NEURL3: variants seen among roughly 807,000 people sequenced by gnomAD.
NEURL3 encodes E3 ubiquitin-protein ligase NEURL3.
In NEURL3, 19 loss-of-function variants were observed where a neutral mutation model predicts 17.6. The ratio of observed to expected loss-of-function variants is 1.08; its 90% CI spans 0.75 to 1.58. The LOEUF is 1.58. Ranked by LOEUF, NEURL3 falls within the 40% of genes most tolerant of loss-of-function variation. The pLI, the probability that NEURL3 is intolerant of heterozygous loss-of-function variation, is 0.00. For synonymous variants in NEURL3, 180 were observed against 161.4 expected, an observed-to-expected ratio of 1.11 and a Z score of -0.87; for missense variants, 342 against 379.6, an observed-to-expected ratio of 0.90 and a Z score of 0.82.
At chr2:96,506,254 A>T (rs1248701565), upstream of NEURL3, among the ~76,000 whole-genome samples, 2 of 152,094 alleles carry the variant, frequency 1.3e-5, no homozygotes, top group African/African-American at 4.8e-5. Flanking sequence ...CATTCAGGCT[A>T]GAGTGCAGTG....
chr2:96,498,021 T>C lies in NEURL3; in HGVS notation c.*223A>G, dbSNP rs1444957917. On this transcript the variant is annotated 3_prime_UTR_variant, in exon 4 of 4. Transcript: ENST00000451794. This position sits in a 1 kb window ranked among gnomAD's most constrained non-coding sequence, Gnocchi z 4.4. ...ACAAAGCACCCCATCAGAAGGATAG[T>C]TCTGGCATGGACAGAAAGAGGGGTT... 6 of 561,082 alleles carry C rather than the reference T, an allele frequency of 1.1e-5. No homozygotes were observed. Among genetic ancestry groups the C allele is most frequent in the East Asian group, 6.0e-5 (2 of 33,180 alleles). The allele number at this position is 561,082 out of a possible 1,614,324, so 34.8% of individuals were successfully genotyped here.
At chr2:96,503,605 C>A (rs2065531375) in intron 1 of NEURL3, among the ~76,000 whole-genome samples, 1 of 152,160 alleles carries the variant, frequency 6.6e-6, no homozygotes, top group Non-Finnish European at 1.5e-5. Flanking sequence ...CGAAACCCAC[C>A]CCCGACCCAC....
At position 96,501,533 on chromosome 2, in the gene NEURL3, C is replaced by T. The variant is rs1467408152; in HGVS notation, c.29-609G>A. ...CCCCCAGCAATGGTGACATCCTTGT[C>T]CTGGGAGAGAAAGGGGCTTGGCTGC... On this transcript the variant is annotated intron_variant, in intron 1 of 3. Coordinates refer to ENST00000451794, the MANE Select transcript of NEURL3 (RefSeq NM_001285485.2). Among the ~76,000 whole-genome samples the T allele has an allele frequency of 2.6e-5, 4 of 152,070 alleles. No homozygotes were observed. In the East Asian group the frequency reaches 5.8e-4, roughly 22 times the overall value.
chr2:96,503,424 C>G (rs188837850), intron 1 of NEURL3, among the ~76,000 whole-genome samples: 227 of 152,284 alleles, frequency 1.5e-3, no homozygotes, highest in Non-Finnish European at 2.8e-3. Context: ...ATCTAAGCAG[C>G]CTCCTCTGTG....
rs747371052 is a variant in NEURL3, at chr2:96,498,291, C to T, written c.742G>A (p.Ala248Thr). 10 of 1,589,468 alleles carry T rather than the reference C, an allele frequency of 6.3e-6. No individual in the cohort carries two copies. In the African/African-American group the frequency reaches 1.1e-4, roughly 17 times the overall value. ...PVCRWQIEAVAPAQGPPALRV... is the reference protein window; with the variant it reads ...PVCRWQIEAVTPAQGPPALRV... ...AGAGCAGGAGGGCCCTGCGCAGGGGCTACCGCCTCTATCTGCCAGCGGCAC... is the reference window on the plus strand; with the variant it reads ...AGAGCAGGAGGGCCCTGCGCAGGGGTTACCGCCTCTATCTGCCAGCGGCAC... The change falls in exon 4 of 4, where the codon GCC becomes ACC. Residue 248 changes from alanine to threonine, a missense_variant. Transcript: ENST00000451794. The surrounding 1 kb of genome is among the most constrained non-coding windows in gnomAD (Gnocchi z 4.4).
chr2:96,499,799 G>T (rs561499753), intron 2 of NEURL3, among the ~76,000 whole-genome samples: 1 of 152,194 alleles, frequency 6.6e-6, no homozygotes, highest in African/African-American at 2.4e-5. Flanking sequence ...ACAGGTTCAG[G>T]GCTCCACTCC....
intron 1 of NEURL3, among the ~76,000 whole-genome samples, chr2:96,503,317 T>C (rs2065528301): frequency 1.3e-5 from 2 of 152,158 alleles, no homozygotes; most frequent in African/African-American, 2.4e-5. Flanking sequence ...TCAGGAGCCT[T>C]CTCAGCAGCC....
Position 96,498,377 on chromosome 2 carries a change from T to C in NEURL3, c.656A>G (p.His219Arg). 1 of 1,599,406 alleles carries C rather than the reference T, an allele frequency of 6.3e-7. No individual in the cohort carries two copies. The highest frequency in any genetic ancestry group is 8.5e-7 in the Non-Finnish European group (1 of 1,179,764). ...AANTRLVPCG[H>R]TYFCRYCAWR... ...GGCACAGTATCTGCAGAAGTATGTGTGGCCGCAGGGCACAAGGCGGGTGTT... is the reference window on the plus strand; with the variant it reads ...GGCACAGTATCTGCAGAAGTATGTGCGGCCGCAGGGCACAAGGCGGGTGTT... The change falls in exon 4 of 4, where the codon CAC becomes CGC. Residue 219 changes from histidine (H) to arginine (R), a missense_variant. Coordinates refer to ENST00000451794, the MANE Select transcript of NEURL3 (RefSeq NM_001285485.2). This position sits in a 1 kb window ranked among gnomAD's most constrained non-coding sequence, Gnocchi z 4.4.
At chr2:96,504,877 CAAAAAAAAAAA>C (rs1157285400) in intron 1 of NEURL3, among the ~76,000 whole-genome samples, 19 of 55,290 alleles carry the variant, frequency 3.4e-4, no homozygotes, top group African/African-American at 1.1e-3. Context: ...GACTCCGTCT[CAAAAAAAAAAA>C]AAAAAAAAAA....
At chr2:96,499,490 C>T in intron 2 of NEURL3, 41 bp from the exon 3 acceptor site, 1 of 1,573,178 alleles carries the variant, frequency 6.4e-7, no homozygotes, top group East Asian at 2.2e-5. Flanking sequence ...ACGGCAAGCC[C>T]AGGTGCCCCC....
intron 2 of NEURL3, 89 bp downstream of exon 2, chr2:96,500,350 C>A (rs535171220): frequency 1.3e-6 from 2 of 1,536,092 alleles, no homozygotes; most frequent in East Asian, 4.7e-5. Context: ...TGAATGTGAA[C>A]GTTCTTCCTG....
Position 96,498,347 on chromosome 2 carries a change from C to T in NEURL3, c.686G>A (p.Arg229Gln), listed in dbSNP as rs771909007. The T allele has an allele frequency of 8.1e-6, 13 of 1,598,992 alleles. No individual in the cohort carries two copies. The Admixed American group carries it at 1.2e-4, about 14-fold the overall frequency. ...HTYFCRYCAW[R>Q]VFSDTAKCPV... The stretch of plus-strand genomic sequence containing the variant: ...GCACTTGGCCGTATCGCTGAAGACC[C>T]GCCAGGCACAGTATCTGCAGAAGTA... The change falls in exon 4 of 4, where the codon CGG becomes CAG. Residue 229 changes from arginine to glutamine, a missense_variant. Coordinates refer to ENST00000451794, the MANE Select transcript of NEURL3 (RefSeq NM_001285485.2). The surrounding 1 kb of genome is among the most constrained non-coding windows in gnomAD (Gnocchi z 4.4).
chr2:96,498,116 C>G lies in NEURL3; in HGVS notation c.*128G>C, dbSNP rs1415822846. 1.0e-6 allele frequency: 1 copy of G among 974,698 alleles called. No homozygotes were observed. The highest frequency in any genetic ancestry group is 2.7e-5 in the East Asian group (1 of 37,342). The allele number at this position is 974,698 out of a possible 1,614,324, so 60.4% of individuals were successfully genotyped here. A position where few individuals can be genotyped will look rare whatever the true frequency, so the allele number is the denominator to read the frequency against. On this transcript the variant is annotated 3_prime_UTR_variant, in exon 4 of 4. Coordinates refer to ENST00000451794, the MANE Select transcript of NEURL3 (RefSeq NM_001285485.2). The surrounding 1 kb of genome is among the most constrained non-coding windows in gnomAD (Gnocchi z 4.4). ...CACCTCCCTGCCTTCCTCTCTCTGCCGCACCTCTTGCTAATCAGCCTTTCT... is the reference window on the plus strand; with the variant it reads ...CACCTCCCTGCCTTCCTCTCTCTGCGGCACCTCTTGCTAATCAGCCTTTCT...
intron 1 of NEURL3, among the ~76,000 whole-genome samples, chr2:96,503,581 A>G (rs2065531089): frequency 6.6e-6 from 1 of 152,154 alleles, no homozygotes; most frequent in South Asian, 2.1e-4. Context: ...TGCACCACCA[A>G]GGCTGAGTGG....
intron 1 of NEURL3, among the ~76,000 whole-genome samples, chr2:96,501,868 G>A (rs866862641): frequency 3.3e-5 from 5 of 152,076 alleles, no homozygotes; most frequent in South Asian, 2.1e-4. Context: ...AATAAAAGGC[G>A]AATTCAATCA....
chr2:96,502,179 C>T (rs967991954), intron 1 of NEURL3, among the ~76,000 whole-genome samples: 6 of 152,230 alleles, frequency 3.9e-5, no homozygotes, highest in African/African-American at 1.4e-4. Flanking sequence ...ATTCACCCCT[C>T]GCCTGCGCCC....
At position 96,498,774 on chromosome 2, in the gene NEURL3, T is replaced by G. The variant is rs1448932354; in HGVS notation, c.587-328A>C. Among the ~76,000 whole-genome samples the G allele has an allele frequency of 4.6e-5, 7 of 151,856 alleles. No homozygotes were observed. The highest frequency in any genetic ancestry group is 8.8e-5 in the Non-Finnish European group (6 of 67,994). On this transcript the variant is annotated intron_variant, in intron 3 of 3. Transcript: ENST00000451794. This position sits in a 1 kb window ranked among gnomAD's most constrained non-coding sequence, Gnocchi z 4.4. ...GCTTTTTTTTTAACTTTCCTCTTTA[T>G]CCTTTAATCTTTTTTATTTTTTAGA... is the stretch of plus-strand genomic sequence containing the variant.
chr2:96,504,507 G>A (rs2065542193), intron 1 of NEURL3: 1 of 152,268 alleles, frequency 6.6e-6, no homozygotes, highest in Non-Finnish European at 1.5e-5. Context: ...AGAGGACCCT[G>A]AGCCCAGGCT....
In NEURL3 at chr2:96,498,925, G is replaced by A. The variant is rs2065470622; in HGVS notation, c.586+453C>T. ...CCCGAGTAGCTGGGGCCACAGACAT[G>A]CACCACCACACTCAGCTAATTTTTG... On this transcript the variant is annotated intron_variant, in intron 3 of 3. Transcript: ENST00000451794. This position sits in a 1 kb window ranked among gnomAD's most constrained non-coding sequence, Gnocchi z 4.4. Among the ~76,000 whole-genome samples, 1 of 152,082 alleles carries A rather than the reference G, an allele frequency of 6.6e-6. No individual in the cohort carries two copies.
Sources: allele counts gnomAD v4.1 joint callset (sites outside exome capture counted in the v4.1 genomes callset), GRCh38; gene constraint gnomAD v4.1.1; non-coding constraint Gnocchi (gnomAD v3.1); transcripts MANE v1.5; gene names NCBI Gene and HGNC (gene_info 2026-07-23, HGNC 2026-07-21).